CDC42: variants seen among roughly 807,000 people sequenced by gnomAD.
CDC42 encodes cell division control protein 42 homolog.
Under a neutral mutation model 20.8 loss-of-function variants are expected in CDC42, and 1 was observed. That is an observed-to-expected ratio of 0.05 (90% CI 0.02 to 0.23). The LOEUF (loss-of-function observed/expected upper bound fraction) is 0.23, where lower values mean the gene tolerates loss of function less well. Ranked by LOEUF, CDC42 falls within the 10% of genes least tolerant of loss-of-function variation. The pLI, the probability that CDC42 is intolerant of heterozygous loss-of-function variation, is 1.00. For missense variants in CDC42, 49 were observed against 227.9 expected, an observed-to-expected ratio of 0.21 and a Z score of 5.05; for synonymous variants, 72 against 84.8, an observed-to-expected ratio of 0.85 and a Z score of 0.83.
chr1:22,090,520 G>A (rs1314573208), intron 5 of CDC42: 48 of 987,302 alleles, frequency 4.9e-5, no homozygotes, highest in Admixed American at 6.0e-5. Flanking sequence ...TCCTTTGTGC[G>A]GTGAAACTTT....
intron 1 of CDC42, among the ~76,000 whole-genome samples, chr1:22,067,031 C>T (rs12740791): frequency 0.061 from 9,275 of 152,134 alleles, 428 homozygotes; most frequent in Middle Eastern, 0.11. Flanking sequence ...CCAAAAAAGA[C>T]CTGAAGGCAG....
chr1:22,092,935 A>G lies in CDC42; in HGVS notation c.*1418A>G, dbSNP rs1645731820. ...TTTTCAGATGTATTAAACAAACAAA[A>G]ACCCTTCACAAGCCAGCCTGAGGGT... On this transcript the variant is annotated 3_prime_UTR_variant, in exon 6 of 6. Coordinates refer to ENST00000656825, the MANE Select transcript of CDC42 (RefSeq NM_001791.4). The G allele has an allele frequency of 6.6e-6, 1 of 152,630 alleles. No individual in the cohort carries two copies. Among genetic ancestry groups the G allele is most frequent in the Non-Finnish European group, 1.5e-5 (1 of 68,044 alleles). The allele number at this position is 152,630 out of a possible 1,614,324, so 9.5% of individuals were successfully genotyped here.
intron 1 of CDC42, among the ~76,000 whole-genome samples, chr1:22,057,911 G>GT (rs1473847865): frequency 1.3e-5 from 2 of 151,558 alleles, no homozygotes; most frequent in Non-Finnish European, 2.9e-5. Context: ...TTTAGTAGAG[G>GT]TGGGGGGGTT....
In CDC42 at chr1:22,078,536, C is replaced by T. The variant is rs965447224; in HGVS notation, c.58C>T (p.Leu20=). 2 of 1,613,418 alleles carry T rather than the reference C, an allele frequency of 1.2e-6. No homozygotes were observed. Among genetic ancestry groups the T allele is most frequent in the African/African-American group, 1.3e-5 (1 of 74,918 alleles). The change falls in exon 2 of 6, where the codon CTG becomes TTG. Residue 20 remains leucine (L), a synonymous_variant. Transcript: ENST00000656825. ...GDGAVGKTCL[L]ISYTTNKFPS... ...TGGTGCTGTTGGTAAAACATGTCTC[C>T]TGATATCCTACACAACAAACAAATT...
intron 1 of CDC42, among the ~76,000 whole-genome samples, chr1:22,059,895 C>T (rs542218491): frequency 1.1e-4 from 2 of 18,920 alleles, no homozygotes; most frequent in East Asian, 0.12. Flanking sequence ...TTTCCTTTTT[C>T]CTTCTTTAAC....
At chr1:22,066,366 C>T (rs1309566871) in intron 1 of CDC42, among the ~76,000 whole-genome samples, 1 of 151,338 alleles carries the variant, frequency 6.6e-6, no homozygotes, top group Non-Finnish European at 1.5e-5. Context: ...CAGAGTGATA[C>T]CCTGTCTCCA....
At chr1:22,073,737 C>T (rs1199592943) in intron 1 of CDC42, among the ~76,000 whole-genome samples, 1 of 152,128 alleles carries the variant, frequency 6.6e-6, no homozygotes, top group Admixed American at 6.5e-5. Context: ...TCATAGCCAA[C>T]TGCAGCCTTG....
chr1:22,071,280 G>A (rs1017563234), intron 1 of CDC42, among the ~76,000 whole-genome samples: 4 of 151,884 alleles, frequency 2.6e-5, no homozygotes, highest in African/African-American at 4.8e-5. Flanking sequence ...TCCTGACCTC[G>A]TGATCCATCC....
intron 1 of CDC42, among the ~76,000 whole-genome samples, chr1:22,056,221 A>G (rs932411472): frequency 1.3e-5 from 2 of 152,154 alleles, no homozygotes; most frequent in African/African-American, 4.8e-5. Flanking sequence ...CTAATATTCC[A>G]TGGGCCTTTT....
chr1:22,066,908 A>C (rs1645430282), intron 1 of CDC42, among the ~76,000 whole-genome samples: 2 of 152,198 alleles, frequency 1.3e-5, no homozygotes, highest in Non-Finnish European at 2.9e-5. Context: ...TACTAAAAAT[A>C]CAAAATTAGC....
In CDC42 at chr1:22,096,614, C is replaced by T. The variant is rs940337256; in HGVS notation, c.*5097C>T. ...AGCAGGCAGAGGTAAGGACTTTGGT[C>T]TCAATAGCCTACAGGGTGCTTCATC... On this transcript the variant is annotated 3_prime_UTR_variant, in exon 6 of 6. Transcript: ENST00000656825. Among the ~76,000 whole-genome samples, 1 of 152,204 alleles carries T rather than the reference C, an allele frequency of 6.6e-6. No homozygotes were observed. Among genetic ancestry groups the T allele is most frequent in the Non-Finnish European group, 1.5e-5 (1 of 68,042 alleles).
At chr1:22,053,717 G>T (rs1476802573) in intron 1 of CDC42, among the ~76,000 whole-genome samples, 1 of 152,124 alleles carries the variant, frequency 6.6e-6, no homozygotes, top group Non-Finnish European at 1.5e-5. Flanking sequence ...AGCCTTAGTC[G>T]GTCACCCAGT....
At chr1:22,078,662 C>T in intron 2 of CDC42, 79 bp downstream of exon 2, 2 of 1,546,710 alleles carry the variant, frequency 1.3e-6, no homozygotes, top group Non-Finnish European at 1.8e-6. Context: ...TCTATGTGTA[C>T]TGAATTTTTT....
At chr1:22,072,417 T>C (rs1645502663) in intron 1 of CDC42, among the ~76,000 whole-genome samples, 1 of 152,012 alleles carries the variant, frequency 6.6e-6, no homozygotes, top group African/African-American at 2.4e-5. Context: ...CCTTTATGCC[T>C]TTGTCATAAA....
At chr1:22,075,685 A>G (rs1177644143) in intron 1 of CDC42, among the ~76,000 whole-genome samples, 3 of 152,206 alleles carry the variant, frequency 2.0e-5, no homozygotes, top group African/African-American at 4.8e-5. Flanking sequence ...AGTTCTTTAC[A>G]TGTATTATCT....
chr1:22,070,849 C>T (rs942768823), intron 1 of CDC42, among the ~76,000 whole-genome samples: 2 of 152,060 alleles, frequency 1.3e-5, no homozygotes, highest in East Asian at 1.9e-4. Flanking sequence ...CAATAAAAAC[C>T]GGACACAGCA....
intron 1 of CDC42, among the ~76,000 whole-genome samples, chr1:22,067,439 C>T (rs981769326): frequency 6.6e-5 from 10 of 152,088 alleles, no homozygotes; most frequent in South Asian, 2.1e-4. Context: ...GCTCTCAGCT[C>T]ACTGCAACCT....
intron 1 of CDC42, among the ~76,000 whole-genome samples, chr1:22,054,220 C>T (rs546112147): frequency 5.3e-5 from 8 of 151,972 alleles, no homozygotes; most frequent in African/African-American, 1.9e-4. Flanking sequence ...GAGACAGGGT[C>T]TCAAAGACGT....
intron 2 of CDC42, among the ~76,000 whole-genome samples, 185 bp from the exon 3 acceptor site, chr1:22,081,537 T>A (rs1366353172): frequency 1.3e-5 from 2 of 152,176 alleles, no homozygotes; most frequent in Non-Finnish European, 2.9e-5. Flanking sequence ...ACATCCTTTG[T>A]CTTTTTCCAG....
Sources: allele counts gnomAD v4.1 joint callset (sites outside exome capture counted in the v4.1 genomes callset), GRCh38; gene constraint gnomAD v4.1.1; transcripts MANE v1.5; gene names NCBI Gene and HGNC (gene_info 2026-07-23, HGNC 2026-07-21).